The following SLC44A5 variants were observed in gnomAD, a reference collection of about 807,000 sequenced individuals.
The protein encoded by SLC44A5 is solute carrier family 44 member 5, also known as choline transporter-like protein 5.
SLC44A5 carries 57 observed loss-of-function variants against 101.8 expected under a neutral mutation model. The ratio of observed to expected loss-of-function variants is 0.56; its 90% CI spans 0.45 to 0.70. The LOEUF (loss-of-function observed/expected upper bound fraction) is 0.70. SLC44A5 is among the 30% of genes least tolerant of loss of function. The pLI is 0.00. For missense variants in SLC44A5, 737 were observed against 853.1 expected (o/e 0.86, Z 1.70); for synonymous variants, 281 against 290.9 (o/e 0.97, Z 0.35).
intron 18 of SLC44A5, 27 bp downstream of exon 18, chr1:75,217,839 C>T (rs765888400): frequency 4.1e-6 from 6 of 1,446,564 alleles, no homozygotes; most frequent in East Asian, 2.3e-5. Context: ...ATTATCTTCA[C>T]AAAAGTCAGG....
chr1:75,700,278 T>C, the SLC44A5 span, among the ~76,000 whole-genome samples: 1 of 152,092 alleles, frequency 6.6e-6, no homozygotes, highest in African/African-American at 2.4e-5. Flanking sequence ...TCAGCAAATA[T>C]AGAAGATCAG....
intron 7 of SLC44A5, among the ~76,000 whole-genome samples, chr1:75,250,964 A>G (rs1649520096): frequency 6.6e-6 from 1 of 152,194 alleles, no homozygotes. Flanking sequence ...TTATTTATAA[A>G]AGTAAGTGGT....
intron 6 of SLC44A5, among the ~76,000 whole-genome samples, chr1:75,261,728 G>A (rs1199747180): frequency 6.6e-6 from 1 of 152,002 alleles, no homozygotes; most frequent in Non-Finnish European, 1.5e-5. Flanking sequence ...GAAATTTCAG[G>A]CCAATATCCC....
chr1:75,676,911 T>C, the SLC44A5 span, among the ~76,000 whole-genome samples: 1 of 152,202 alleles, frequency 6.6e-6, no homozygotes, highest in East Asian at 1.9e-4. Context: ...GGAGTATTTC[T>C]GGCAGCAGAC....
rs147939478 is a variant in SLC44A5 at position 75,463,160 on chromosome 1, G to A, written c.14-66539C>T. On this transcript the variant is annotated intron_variant, in intron 2 of 23. Coordinates refer to ENST00000370859, the MANE Select transcript of SLC44A5 (RefSeq NM_001130058.2). ...ATCCTGGCTGGGCACGGTGGCTCAC[G>A]CCTGTAATCCCAGTACTTTGGAAGG... 4.9e-4 allele frequency among the ~76,000 whole-genome samples: 75 copies of A among 152,296 alleles called. 1 individual carries two copies. Among genetic ancestry groups the A allele is most frequent in the African/African-American group, 1.5e-3 (61 of 41,568 alleles).
the SLC44A5 span, among the ~76,000 whole-genome samples, chr1:75,661,387 TAAAAAAAAA>T: frequency 1.3e-4 from 7 of 53,600 alleles, no homozygotes; most frequent in East Asian, 9.4e-4. Flanking sequence ...CTACTGCAAG[TAAAAAAAAA>T]AAAAAAAAAA....
At chr1:75,576,018 C>T (rs910908509) in intron 1 of SLC44A5, among the ~76,000 whole-genome samples, 4 of 151,274 alleles carry the variant, frequency 2.6e-5, no homozygotes, top group Admixed American at 1.3e-4. Flanking sequence ...AAAATGAGAA[C>T]GGTTGTCACA....
the SLC44A5 span, among the ~76,000 whole-genome samples, chr1:75,668,988 A>C: frequency 6.6e-6 from 1 of 151,468 alleles, no homozygotes; most frequent in Non-Finnish European, 1.5e-5. Flanking sequence ...TCTAGGTGAC[A>C]GAGTAAGACT....
intron 1 of SLC44A5, among the ~76,000 whole-genome samples, chr1:75,563,684 G>A (rs777897519): frequency 5.9e-4 from 90 of 152,136 alleles, no homozygotes; most frequent in Non-Finnish European, 9.7e-4. Context: ...AGCCAAGACC[G>A]TGGTCTTGGT....
chr1:75,639,574 T>G, the SLC44A5 span, among the ~76,000 whole-genome samples: 1 of 152,122 alleles, frequency 6.6e-6, no homozygotes, highest in African/African-American at 2.4e-5. Flanking sequence ...AAGTTTTTCA[T>G]CCAGACCCAC....
chr1:75,298,326 C>T (rs1654133944), intron 5 of SLC44A5, among the ~76,000 whole-genome samples: 1 of 152,030 alleles, frequency 6.6e-6, no homozygotes, highest in Non-Finnish European at 1.5e-5. Flanking sequence ...CTTTGTGAGT[C>T]ACTAATTTTA....
rs915564065 is a variant in SLC44A5 at position 75,543,303 on chromosome 1, T to A, written c.-69-1787A>T. Among the ~76,000 whole-genome samples, 4 of 152,076 alleles carry A rather than the reference T, an allele frequency of 2.6e-5. No individual in the cohort carries two copies. In the South Asian group the frequency reaches 8.3e-4, roughly 31 times the overall value. ...ACCCCTAGCTCTTATGTCAACTACCTCTGCTCCCTTTGCCTGGAGTACTCT... is the reference window on the plus strand; with the variant it reads ...ACCCCTAGCTCTTATGTCAACTACCACTGCTCCCTTTGCCTGGAGTACTCT... On this transcript the variant is annotated intron_variant, in intron 1 of 23. Transcript: ENST00000370859.
At chr1:75,225,560 G>A (rs901612629) in intron 13 of SLC44A5, among the ~76,000 whole-genome samples, 19 of 152,138 alleles carry the variant, frequency 1.2e-4, no homozygotes, top group African/African-American at 4.1e-4. Flanking sequence ...CGAATTCATA[G>A]TTAGTTAATA....
In SLC44A5 at chr1:75,225,551, G is replaced by A. The variant is rs529429554; in HGVS notation, c.985+2175C>T. ...CACCTGGGGGCTAAGAGATATACAC[G>A]AATTCATAGTTAGTTAATAGCAGAG... is the stretch of plus-strand genomic sequence containing the variant. On this transcript the variant is annotated intron_variant, in intron 13 of 23. Coordinates refer to ENST00000370859, the MANE Select transcript of SLC44A5 (RefSeq NM_001130058.2). Among the ~76,000 whole-genome samples, 11 of 152,212 alleles carry A rather than the reference G, an allele frequency of 7.2e-5. No homozygotes were observed. In the South Asian group the frequency reaches 1.0e-3, roughly 14 times the overall value.
intron 2 of SLC44A5, among the ~76,000 whole-genome samples, chr1:75,526,818 A>G (rs376177677): frequency 5.3e-5 from 8 of 152,286 alleles, no homozygotes; most frequent in African/African-American, 1.9e-4. Flanking sequence ...AACAACAAGC[A>G]CATTTGACCA....
chr1:75,641,393 C>T, the SLC44A5 span: 3 of 961,802 alleles, frequency 3.1e-6, no homozygotes, highest in East Asian at 4.8e-5. Context: ...TGTATATGAG[C>T]TTGATTTTTG....
At chr1:75,491,533 C>A (rs1416192006) in intron 2 of SLC44A5, among the ~76,000 whole-genome samples, 3 of 152,070 alleles carry the variant, frequency 2.0e-5, no homozygotes, top group African/African-American at 7.2e-5. Context: ...TGTATAAAAT[C>A]ACAAAGGTGA....
chr1:75,480,316 G>A (rs1667755887), intron 2 of SLC44A5, among the ~76,000 whole-genome samples: 1 of 152,126 alleles, frequency 6.6e-6, no homozygotes. Flanking sequence ...GGAAAAAACT[G>A]GAAGCATTCC....
chr1:75,448,131 G>T (rs914414332), intron 2 of SLC44A5, among the ~76,000 whole-genome samples: 3 of 152,142 alleles, frequency 2.0e-5, no homozygotes, highest in Non-Finnish European at 4.4e-5. Context: ...GAAACAATTT[G>T]GCTAAGTTGC....
Sources: allele counts gnomAD v4.1 joint callset (sites outside exome capture counted in the v4.1 genomes callset), GRCh38; gene constraint gnomAD v4.1.1; transcripts MANE v1.5; gene names NCBI Gene and HGNC (gene_info 2026-07-23, HGNC 2026-07-21).